NT5C2: variants seen among roughly 807,000 people sequenced by gnomAD.
NT5C2 encodes 5'-nucleotidase, cytosolic II.
NT5C2 carries 58 observed loss-of-function variants against 76.1 expected under a neutral mutation model. The ratio of observed to expected loss-of-function variants is 0.76; its 90% CI spans 0.62 to 0.95. The LOEUF (loss-of-function observed/expected upper bound fraction) is 0.95, where lower values mean the gene tolerates loss of function less well. Ranked by LOEUF, NT5C2 falls within the 40% of genes least tolerant of loss-of-function variation. NT5C2 has a pLI of 0.00. For synonymous variants in NT5C2, 229 were observed against 237.4 expected, an observed-to-expected ratio of 0.96 and a Z score of 0.32; for missense variants, 478 against 690.3, an observed-to-expected ratio of 0.69 and a Z score of 3.45.
intron 3 of NT5C2, among the ~76,000 whole-genome samples, chr10:103,148,882 G>A (rs1421952345): frequency 1.3e-5 from 2 of 152,076 alleles, no homozygotes; most frequent in Non-Finnish European, 2.9e-5. Context: ...GAAAAGGGGG[G>A]AAATTCCAAG....
chr10:103,191,393 AAAAAAG>A (rs2092628283), intron 1 of NT5C2, among the ~76,000 whole-genome samples: 2 of 138,570 alleles, frequency 1.4e-5, no homozygotes, highest in Admixed American at 7.1e-5. Context: ...AAAAAAAAAA[AAAAAAG>A]AGAGAGAGAG....
At chr10:103,133,763 G>A (rs1397006738) in intron 4 of NT5C2, among the ~76,000 whole-genome samples, 1 of 152,202 alleles carries the variant, frequency 6.6e-6, no homozygotes, top group Non-Finnish European at 1.5e-5. Context: ...AAAAATGTGG[G>A]AAAGTTTAGA....
In NT5C2 at chr10:103,123,529, T is replaced by C. The variant is rs564844145; in HGVS notation, c.175+15877A>G. ...CATGCCTGGCCTTATTTTTGTACAA[T>C]GTTGCTAGTAATCCCTACCTCAGCA... On this transcript the variant is annotated intron_variant, in intron 4 of 18. Transcript: ENST00000404739. 1.2e-4 allele frequency among the ~76,000 whole-genome samples: 19 copies of C among 152,292 alleles called. No homozygotes were observed. In the South Asian group the frequency reaches 3.7e-3, roughly 30 times the overall value.
chr10:103,130,025 T>C (rs1186633934), intron 4 of NT5C2, among the ~76,000 whole-genome samples: 4 of 151,404 alleles, frequency 2.6e-5, no homozygotes, highest in Non-Finnish European at 1.5e-5. Context: ...GGAGCCCCTC[T>C]GCCCGGCCAC....
chr10:103,147,925 C>T (rs1168363791), intron 3 of NT5C2, among the ~76,000 whole-genome samples: 1 of 151,956 alleles, frequency 6.6e-6, no homozygotes, highest in Non-Finnish European at 1.5e-5. Context: ...TGTGAATATA[C>T]TAAAATGATC....
intron 3 of NT5C2, among the ~76,000 whole-genome samples, chr10:103,164,351 G>A (rs948145952): frequency 1.3e-5 from 2 of 152,014 alleles, no homozygotes; most frequent in Admixed American, 1.3e-4. Context: ...TCTGCCTCCT[G>A]GGTTCAAGTG....
intron 4 of NT5C2, among the ~76,000 whole-genome samples, chr10:103,123,000 G>A (rs1300617433): frequency 6.6e-6 from 1 of 152,120 alleles, no homozygotes; most frequent in African/African-American, 2.4e-5. Context: ...AAATCTGTAT[G>A]CTTTTCTCTC....
rs954070487 is a variant in NT5C2 at position 103,165,414 on chromosome 10, A to G, written c.101+9444T>C. Reference sequence around the variant, plus strand: ...AAGCTGAGGCAGGAGAATCGCTTGAACCCAGGAGGCAGAGGTTGCAGTGAG... The same window carrying G: ...AAGCTGAGGCAGGAGAATCGCTTGAGCCCAGGAGGCAGAGGTTGCAGTGAG... On this transcript the variant is annotated intron_variant, in intron 3 of 18. Coordinates refer to ENST00000404739, the MANE Select transcript of NT5C2 (RefSeq NM_001351169.2). 6.6e-4 allele frequency among the ~76,000 whole-genome samples: 100 copies of G among 151,338 alleles called. 2 individuals carry two copies. Among genetic ancestry groups the G allele is most frequent in the Admixed American group, 6.6e-3 (100 of 15,170 alleles).
At chr10:103,188,987 G>A (rs1020133075) in intron 1 of NT5C2, among the ~76,000 whole-genome samples, 7 of 151,690 alleles carry the variant, frequency 4.6e-5, no homozygotes, top group South Asian at 2.1e-4. Context: ...GGGCAACAAA[G>A]TGAGACTCCG....
At chr10:103,186,904 C>A (rs534615151) in intron 1 of NT5C2, among the ~76,000 whole-genome samples, 1 of 139,656 alleles carries the variant, frequency 7.2e-6, no homozygotes, top group South Asian at 2.3e-4. Flanking sequence ...CAGAGCAAGA[C>A]TCCGTCTCAA....
chr10:103,123,728 T>G (rs1009780728), intron 4 of NT5C2, among the ~76,000 whole-genome samples: 1 of 152,192 alleles, frequency 6.6e-6, no homozygotes, highest in Non-Finnish European at 1.5e-5. Context: ...ATTGCTGGAT[T>G]TACTGAAACG....
chr10:103,154,783 T>C (rs905145812), intron 3 of NT5C2, among the ~76,000 whole-genome samples: 3 of 152,152 alleles, frequency 2.0e-5, no homozygotes, highest in Admixed American at 2.0e-4. Flanking sequence ...TACACAAATA[T>C]GAAGGATTTC....
chr10:103,106,835 C>A (rs1735928704), intron 4 of NT5C2, 129 bp from the exon 5 acceptor site: 1 of 687,230 alleles, frequency 1.5e-6, no homozygotes, highest in East Asian at 2.5e-5. Flanking sequence ...CTTCTTCCCC[C>A]TCAAACTCCA....
chr10:103,142,723 G>A (rs1002532002), intron 3 of NT5C2, among the ~76,000 whole-genome samples: 4 of 152,074 alleles, frequency 2.6e-5, no homozygotes, highest in Admixed American at 6.5e-5. Context: ...GGTGGCTCAC[G>A]CCTGTAATTC....
At position 103,184,134 on chromosome 10, in the gene NT5C2, T is replaced by C. The variant is rs141146900; in HGVS notation, c.-168-2806A>G. On this transcript the variant is annotated intron_variant, in intron 1 of 18. Transcript: ENST00000404739. ...CGCCCGGCTAATTTTGTATTTTTAG[T>C]ACAGACGGGGTTTCACCGTGTTGGT... Among the ~76,000 whole-genome samples, 616 of 152,272 alleles carry C rather than the reference T, an allele frequency of 4.0e-3. 20 individuals are homozygous for C. In the East Asian group the frequency reaches 0.072, roughly 18 times the overall value.
intron 4 of NT5C2, among the ~76,000 whole-genome samples, chr10:103,126,784 C>T (rs1247651164): frequency 1.3e-5 from 2 of 152,168 alleles, no homozygotes; most frequent in Non-Finnish European, 2.9e-5. Flanking sequence ...CGGGTTTGAA[C>T]TGCACAGGTC....
rs1325364866 is a variant in NT5C2 at position 103,090,862 on chromosome 10, TATAA to T, written c.1272+70_1272+73del. ...TGAGCAGTAGTTGAATGCTAGTCTC[TATAA>T]TAAATCAGGAATGTGAAAAAAGCAT... On this transcript the variant is annotated intron_variant, in intron 17 of 18. Coordinates refer to ENST00000404739, the MANE Select transcript of NT5C2 (RefSeq NM_001351169.2). 19 of 1,594,510 alleles carry T rather than the reference TATAA, an allele frequency of 1.2e-5. 1 individual carries two copies. Among genetic ancestry groups the T allele is most frequent in the Non-Finnish European group, 4.3e-6 (5 of 1,163,548 alleles).
chr10:103,127,845 C>T lies in NT5C2; in HGVS notation c.175+11561G>A, dbSNP rs376949180. The stretch of plus-strand genomic sequence containing the variant: ...TGCTGGGATTACAGGCGTGAGCCAC[C>T]GCGCCCGGCCTACACCTGGCTAATT... On this transcript the variant is annotated intron_variant, in intron 4 of 18. Transcript: ENST00000404739. 1.3e-4 allele frequency among the ~76,000 whole-genome samples: 20 copies of T among 151,422 alleles called. No homozygotes were observed. In the South Asian group the frequency reaches 3.1e-3, roughly 24 times the overall value.
intron 9 of NT5C2, 41 bp downstream of exon 9, chr10:103,099,884 CA>C: frequency 1.6e-6 from 2 of 1,237,638 alleles, no homozygotes; most frequent in Non-Finnish European, 2.4e-6. Context: ...CCATAAAATA[CA>C]TGCCAGAAAG....
Sources: allele counts gnomAD v4.1 joint callset (sites outside exome capture counted in the v4.1 genomes callset), GRCh38; gene constraint gnomAD v4.1.1; transcripts MANE v1.5; gene names NCBI Gene and HGNC (gene_info 2026-07-23, HGNC 2026-07-21).